The following TMEM150C variants were observed in gnomAD, a reference collection of about 807,000 sequenced individuals.
The protein encoded by TMEM150C is tentonin 3.
TMEM150C carries 10 observed loss-of-function variants against 29.9 expected under a neutral mutation model. The ratio of observed to expected loss-of-function variants is 0.33; its 90% CI spans 0.21 to 0.57. TMEM150C has a LOEUF of 0.57. TMEM150C is among the 20% of genes least tolerant of loss of function. TMEM150C has a pLI of 0.88. For synonymous variants in TMEM150C, 101 were observed against 112.5 expected, an observed-to-expected ratio of 0.90 and a Z score of 0.64; for missense variants, 251 against 303.6, an observed-to-expected ratio of 0.83 and a Z score of 1.29.
chr4:82,558,837 C>T (rs1020084345), intron 1 of TMEM150C, among the ~76,000 whole-genome samples: 2 of 152,204 alleles, frequency 1.3e-5, no homozygotes, highest in African/African-American at 2.4e-5. Flanking sequence ...ATCATATCCC[C>T]TGTGACCTGC....
intron 6 of TMEM150C, chr4:82,491,292 T>C: frequency 1.5e-6 from 1 of 680,246 alleles, no homozygotes; most frequent in Non-Finnish European, 2.7e-6. Flanking sequence ...CAGCTTCTGC[T>C]TCTTCTCTTG....
At chr4:82,508,523 G>T (rs2110072317) in intron 1 of TMEM150C, among the ~76,000 whole-genome samples, 1 of 151,800 alleles carries the variant, frequency 6.6e-6, no homozygotes, top group Middle Eastern at 3.4e-3. Flanking sequence ...TGGAATGTAG[G>T]GGTGCAATCT....
chr4:82,556,551 C>T (rs1220956593), intron 1 of TMEM150C, among the ~76,000 whole-genome samples: 3 of 152,262 alleles, frequency 2.0e-5, no homozygotes, highest in East Asian at 3.9e-4. Context: ...TGGTGGCACA[C>T]GCCTGTAGTT....
chr4:82,495,129 A>T, intron 6 of TMEM150C: 1 of 595,498 alleles, frequency 1.7e-6, no homozygotes, highest in Non-Finnish European at 2.8e-6. Context: ...ATACTGGCAG[A>T]CATCATCTTC....
chr4:82,487,092 GA>G (rs201474285), intron 7 of TMEM150C, among the ~76,000 whole-genome samples: 41 of 148,014 alleles, frequency 2.8e-4, no homozygotes, highest in African/African-American at 8.4e-4. Context: ...GAGAACCAAA[GA>G]AAAAAAAAAG....
intron 1 of TMEM150C, among the ~76,000 whole-genome samples, chr4:82,533,603 A>G (rs1724919401): frequency 6.6e-6 from 1 of 152,218 alleles, no homozygotes; most frequent in African/African-American, 2.4e-5. Context: ...TCTCGTAACC[A>G]GTTTTATCAA....
intron 5 of TMEM150C, among the ~76,000 whole-genome samples, chr4:82,498,042 T>G (rs1723613143): frequency 6.6e-6 from 1 of 150,960 alleles, no homozygotes; most frequent in African/African-American, 2.4e-5. Flanking sequence ...TTAAACAGAG[T>G]CTTACTCTGT....
chr4:82,524,160 C>T (rs1437478814), intron 1 of TMEM150C, among the ~76,000 whole-genome samples: 1 of 150,778 alleles, frequency 6.6e-6, no homozygotes, highest in Admixed American at 6.6e-5. Context: ...CCCAGCTACT[C>T]GGAAGGCTGA....
chr4:82,547,837 C>T (rs1463782041), intron 1 of TMEM150C, among the ~76,000 whole-genome samples: 1 of 152,164 alleles, frequency 6.6e-6, no homozygotes, highest in African/African-American at 2.4e-5. Flanking sequence ...TTCAACCCAG[C>T]AGTCCTCTTA....
chr4:82,553,322 C>T (rs1456907457), intron 1 of TMEM150C, among the ~76,000 whole-genome samples: 1 of 152,154 alleles, frequency 6.6e-6, no homozygotes, highest in Non-Finnish European at 1.5e-5. Context: ...AAATATGCAA[C>T]AAGCAAACAA....
At chr4:82,560,888 C>G (rs950455925) in intron 1 of TMEM150C, among the ~76,000 whole-genome samples, 2 of 152,172 alleles carry the variant, frequency 1.3e-5, no homozygotes, top group African/African-American at 4.8e-5. Context: ...ATTGGTATAT[C>G]TGGTTCCCCA....
chr4:82,556,718 T>C (rs1396399241), intron 1 of TMEM150C, among the ~76,000 whole-genome samples: 1 of 152,060 alleles, frequency 6.6e-6, no homozygotes, highest in East Asian at 1.9e-4. Context: ...TAAATAAGTA[T>C]ATGTATCTCA....
intron 1 of TMEM150C, among the ~76,000 whole-genome samples, chr4:82,511,975 CT>C: frequency 1.3e-5 from 2 of 152,324 alleles, no homozygotes; most frequent in East Asian, 3.9e-4. Context: ...TAATAGAAGT[CT>C]AATTTTATTA....
chr4:82,550,225 C>T (rs1308996745), intron 1 of TMEM150C, among the ~76,000 whole-genome samples: 2 of 152,100 alleles, frequency 1.3e-5, no homozygotes. Flanking sequence ...ACAGTTCCAC[C>T]TTCACATGCT....
rs1394723151 is a variant in TMEM150C, at chr4:82,510,720, T to C, written c.-10-6053A>G. Among the ~76,000 whole-genome samples, 4 of 152,302 alleles carry C rather than the reference T, an allele frequency of 2.6e-5. No individual in the cohort carries two copies. The East Asian group carries it at 7.7e-4, about 29-fold the overall frequency. Reference sequence around the variant, plus strand: ...TTATCTTTTTTTGTCTTGTAATTTATCAGGAAATGAGCTTCCTGCTACAAT... The same window carrying C: ...TTATCTTTTTTTGTCTTGTAATTTACCAGGAAATGAGCTTCCTGCTACAAT... On this transcript the variant is annotated intron_variant, in intron 1 of 7. Transcript: ENST00000449862.
intron 1 of TMEM150C, among the ~76,000 whole-genome samples, chr4:82,508,801 G>C (rs1221648833): frequency 6.6e-6 from 1 of 151,974 alleles, no homozygotes; most frequent in African/African-American, 2.4e-5. Flanking sequence ...TATTTACTCT[G>C]TTGATATTAA....
intron 1 of TMEM150C, among the ~76,000 whole-genome samples, chr4:82,512,710 T>C (rs911240033): frequency 1.3e-5 from 2 of 152,056 alleles, no homozygotes; most frequent in Admixed American, 6.5e-5. Context: ...AGAGACAGAG[T>C]GGTGATGGTC....
intron 1 of TMEM150C, among the ~76,000 whole-genome samples, chr4:82,525,044 T>A (rs888822172): frequency 1.3e-5 from 2 of 152,214 alleles, no homozygotes; most frequent in African/African-American, 4.8e-5. Flanking sequence ...GACACAGGTA[T>A]ACTGAATCAA....
chr4:82,561,891 G>C lies in TMEM150C; in HGVS notation c.-11+15C>G. On this transcript the variant is annotated intron_variant, in intron 1 of 7. Transcript: ENST00000449862. ...GCGCGACGGGCCCAGGCAGGGGAGG[G>C]GGCGCCGCGCCTACCTGCTCTGGTG... 2.0e-6 allele frequency: 2 copies of C among 992,260 alleles called. No individual in the cohort carries two copies. The highest frequency in any genetic ancestry group is 2.4e-6 in the Non-Finnish European group (2 of 834,316). The allele number at this position is 992,260 out of a possible 1,614,324, so 61.5% of individuals were successfully genotyped here.
Sources: gnomAD v4.1 joint callset for allele counts (sites outside exome capture counted in the v4.1 genomes callset) on GRCh38, gnomAD v4.1.1 for gene constraint, MANE v1.5 for transcripts, NCBI Gene and HGNC (gene_info 2026-07-23, HGNC 2026-07-21) for gene names.